Variants in SCAPER observed in about 807,000 individuals in gnomAD.
The protein encoded by SCAPER is S phase cyclin A-associated protein in the endoplasmic reticulum.
Under a neutral mutation model 182.2 loss-of-function variants are expected in SCAPER, and 98 were observed. The observed-to-expected ratio is 0.54, with a 90% confidence interval of 0.46 to 0.64. The LOEUF is 0.64. Ranked by LOEUF, SCAPER falls within the 30% of genes least tolerant of loss-of-function variation. SCAPER has a pLI of 0.00. For missense variants in SCAPER, 1,432 were observed against 1,690.0 expected (o/e 0.85, Z 2.68); for synonymous variants, 605 against 564.6 (o/e 1.07, Z -1.01).
At chr15:76,825,045 A>C (rs2067883243) in intron 5 of SCAPER, among the ~76,000 whole-genome samples, 1 of 152,228 alleles carries the variant, frequency 6.6e-6, no homozygotes, top group African/African-American at 2.4e-5. Context: ...AAAAATGCTA[A>C]GTTATAAAGC....
At chr15:76,539,421 A>T (rs1396695212) in intron 23 of SCAPER, among the ~76,000 whole-genome samples, 1 of 152,216 alleles carries the variant, frequency 6.6e-6, no homozygotes, top group African/African-American at 2.4e-5. Context: ...AAAACACTTA[A>T]GGTATTTAGT....
intron 26 of SCAPER, among the ~76,000 whole-genome samples, chr15:76,423,109 TG>T (rs2046167895): frequency 6.6e-6 from 1 of 152,208 alleles, no homozygotes; most frequent in South Asian, 2.1e-4. Context: ...TGCCAGGCTT[TG>T]GTATCAGGAT....
At chr15:76,838,224 G>C (rs1255657464) in intron 5 of SCAPER, among the ~76,000 whole-genome samples, 1 of 152,100 alleles carries the variant, frequency 6.6e-6, no homozygotes, top group African/African-American at 2.4e-5. Context: ...GCAGACATAG[G>C]AAAAAACAAG....
At chr15:76,503,613 T>A (rs1473927972) in intron 24 of SCAPER, among the ~76,000 whole-genome samples, 1 of 152,192 alleles carries the variant, frequency 6.6e-6, no homozygotes, top group Non-Finnish European at 1.5e-5. Context: ...AGAGGTCTCA[T>A]ATATGTTATT....
chr15:76,575,055 T>C (rs568221753), intron 22 of SCAPER, among the ~76,000 whole-genome samples: 110 of 152,338 alleles, frequency 7.2e-4, no homozygotes, highest in African/African-American at 2.6e-3. Flanking sequence ...GCAAATGTCC[T>C]ACATTTCCTC....
chr15:76,527,615 T>C (rs899145483), intron 23 of SCAPER, among the ~76,000 whole-genome samples: 69 of 152,354 alleles, frequency 4.5e-4, no homozygotes, highest in African/African-American at 1.5e-3. Flanking sequence ...ACCCAAGCTC[T>C]GACTGTAGGT....
At chr15:76,856,648 T>A (rs1045547035) in intron 4 of SCAPER, among the ~76,000 whole-genome samples, 1 of 151,892 alleles carries the variant, frequency 6.6e-6, no homozygotes, top group Non-Finnish European at 1.5e-5. Flanking sequence ...TTTTCTCATA[T>A]GAAATTGTAT....
chr15:76,478,503 G>T (rs547827041), intron 24 of SCAPER, among the ~76,000 whole-genome samples: 1 of 152,044 alleles, frequency 6.6e-6, no homozygotes, highest in South Asian at 2.1e-4. Flanking sequence ...ATGAGATGAG[G>T]TAATTATTCA....
intron 21 of SCAPER, among the ~76,000 whole-genome samples, chr15:76,636,516 G>C (rs1231695041): frequency 6.6e-6 from 1 of 151,764 alleles, no homozygotes; most frequent in Non-Finnish European, 1.5e-5. Flanking sequence ...TTCTGAGTTA[G>C]GTAAAAATAA....
At chr15:76,633,832 C>T (rs1286932925) in intron 21 of SCAPER, among the ~76,000 whole-genome samples, 1 of 152,236 alleles carries the variant, frequency 6.6e-6, no homozygotes, top group Admixed American at 6.5e-5. Flanking sequence ...CCCCTCTCCG[C>T]CCGGAACTTG....
At chr15:76,804,736 T>G (rs966869317) in intron 5 of SCAPER, 103 bp from the exon 6 acceptor site, 2 of 605,292 alleles carry the variant, frequency 3.3e-6, no homozygotes, top group Admixed American at 7.2e-5. Flanking sequence ...TTTTACATTA[T>G]ACTCTTCAAT....
At chr15:76,871,756 A>G (rs1043336046) in intron 2 of SCAPER, among the ~76,000 whole-genome samples, 11 of 151,798 alleles carry the variant, frequency 7.2e-5, no homozygotes, top group Non-Finnish European at 1.2e-4. Context: ...ATGCTCGGCT[A>G]ATTTTTGTAC....
intron 17 of SCAPER, among the ~76,000 whole-genome samples, chr15:76,714,378 G>A (rs930805940): frequency 6.6e-6 from 1 of 152,124 alleles, no homozygotes; most frequent in Admixed American, 6.6e-5. Flanking sequence ...GCAAGGTTGT[G>A]GAGCATCTGA....
intron 5 of SCAPER, among the ~76,000 whole-genome samples, chr15:76,832,837 C>A (rs1026207830): frequency 4.6e-5 from 7 of 152,160 alleles, no homozygotes; most frequent in African/African-American, 1.7e-4. Flanking sequence ...CTCCCTGAGG[C>A]CTCCCCAGAA....
At chr15:76,462,826 C>T (rs1010708235) in intron 25 of SCAPER, among the ~76,000 whole-genome samples, 4 of 152,190 alleles carry the variant, frequency 2.6e-5, no homozygotes, top group Non-Finnish European at 5.9e-5. Context: ...CATCCCTTAA[C>T]TGTTCTCACC....
chr15:76,878,149 G>A (rs2073301447), intron 2 of SCAPER, among the ~76,000 whole-genome samples: 1 of 151,718 alleles, frequency 6.6e-6, no homozygotes. Context: ...AAACTAATGG[G>A]GCAAAATTAG....
rs144198290 is a variant in SCAPER, at chr15:76,504,293, A to C, written c.2954+566T>G. 3.9e-4 allele frequency among the ~76,000 whole-genome samples: 59 copies of C among 152,294 alleles called. No homozygotes were observed. The East Asian group carries it at 8.9e-3, about 23-fold the overall frequency. On this transcript the variant is annotated intron_variant, in intron 24 of 31. Coordinates refer to ENST00000563290, the MANE Select transcript of SCAPER (RefSeq NM_020843.4). ...ACAACCCAGGAACACAATACTTCTGAAACAACATTGCTGCTATACCCCAGG... is the reference window on the plus strand; with the variant it reads ...ACAACCCAGGAACACAATACTTCTGCAACAACATTGCTGCTATACCCCAGG...
At chr15:76,751,975 A>G (rs920979259) in intron 15 of SCAPER, among the ~76,000 whole-genome samples, 4 of 151,886 alleles carry the variant, frequency 2.6e-5, no homozygotes, top group Middle Eastern at 3.4e-3. Flanking sequence ...TTTGCAAATC[A>G]TATCTTTGAT....
intron 21 of SCAPER, among the ~76,000 whole-genome samples, chr15:76,622,811 C>A (rs2052213300): frequency 6.6e-6 from 1 of 152,100 alleles, no homozygotes; most frequent in East Asian, 1.9e-4. Context: ...GGTATTATCC[C>A]TATGATATAA....
Sources: allele counts gnomAD v4.1 joint callset (sites outside exome capture counted in the v4.1 genomes callset), GRCh38; gene constraint gnomAD v4.1.1; transcripts MANE v1.5; gene names NCBI Gene and HGNC (gene_info 2026-07-23, HGNC 2026-07-21).